Variants in IGF2BP1 observed in about 807,000 individuals in gnomAD.
The protein encoded by IGF2BP1 is insulin-like growth factor 2 mRNA-binding protein 1.
IGF2BP1 carries 11 observed loss-of-function variants against 74.9 expected under a neutral mutation model. That is an observed-to-expected ratio of 0.15 (90% confidence interval 0.09 to 0.24). The LOEUF (loss-of-function observed/expected upper bound fraction) is 0.24. Ranked by LOEUF, IGF2BP1 falls within the 10% of genes least tolerant of loss-of-function variation. The probability of loss-of-function intolerance (pLI) is 1.00; values close to 1 mark genes in which losing one functional copy is unlikely to be tolerated. For synonymous variants in IGF2BP1, 287 were observed against 281.8 expected (o/e 1.02, Z -0.18); for missense variants, 440 against 757.4 (o/e 0.58, Z 4.92).
chr17:49,003,747 C>T (rs1447578348), intron 2 of IGF2BP1, among the ~76,000 whole-genome samples: 2 of 125,708 alleles, frequency 1.6e-5, no homozygotes, highest in African/African-American at 6.2e-5. Context: ...AGAAATCAGA[C>T]GAGTTAGTCC....
intron 2 of IGF2BP1, 133 bp downstream of exon 2, chr17:48,999,302 G>T: frequency 1.6e-6 from 1 of 637,618 alleles, no homozygotes; most frequent in Non-Finnish European, 2.8e-6. Context: ...TCCGGATGTT[G>T]GGGGCAGGGA....
chr17:49,038,586 C>T, intron 6 of IGF2BP1, 137 bp downstream of exon 6: 2 of 908,582 alleles, frequency 2.2e-6, no homozygotes, highest in Non-Finnish European at 3.0e-6. Context: ...TCAGGGGTCC[C>T]TGCTTCCAAT....
intron 5 of IGF2BP1, among the ~76,000 whole-genome samples, chr17:49,032,814 T>C (rs1567821969): frequency 6.6e-6 from 1 of 152,196 alleles, no homozygotes; most frequent in Non-Finnish European, 1.5e-5. Context: ...CTGCCTATTG[T>C]TGCTGTGTTC....
intron 2 of IGF2BP1, among the ~76,000 whole-genome samples, chr17:49,016,800 C>T (rs553365816): frequency 2.4e-5 from 3 of 127,010 alleles, no homozygotes; most frequent in African/African-American, 8.8e-5. Context: ...CCCGCCCGCC[C>T]GCCCCCCTGT....
rs768485100 is a variant in IGF2BP1 at position 49,044,002 on chromosome 17, C to A, written c.1236C>A (p.Ile412=). 6.2e-7 allele frequency: 1 copy of A among 1,614,082 alleles called. No individual in the cohort carries two copies. The highest frequency in any genetic ancestry group is 1.1e-5 in the South Asian group (1 of 91,082). Residue 412 remains isoleucine, a synonymous_variant, in exon 11 of 15, where the codon ATC becomes ATA. Transcript: ENST00000290341. ...AGCAGGAGATGGTGCAGGTGTTTAT[C>A]CCCGCCCAGGCAGTGGGCGCCATCA... The part of the protein sequence containing the change: ...APEQEMVQVF[I]PAQAVGAIIG...
intron 5 of IGF2BP1, chr17:49,037,259 T>TA: frequency 2.2e-6 from 1 of 445,870 alleles, no homozygotes; most frequent in East Asian, 6.1e-5. Context: ...CTGGAACCCT[T>TA]ACGGTAGGAA....
chr17:49,010,313 C>CTTTTTT (rs397857828), intron 2 of IGF2BP1, among the ~76,000 whole-genome samples: 4 of 105,622 alleles, frequency 3.8e-5, no homozygotes, highest in East Asian at 2.5e-4. Context: ...TGGTGGTCAT[C>CTTTTTT]TTTTTTTTTT....
At chr17:49,027,575 G>A (rs917487954) in intron 4 of IGF2BP1, among the ~76,000 whole-genome samples, 3 of 152,084 alleles carry the variant, frequency 2.0e-5, no homozygotes, top group East Asian at 1.9e-4. Flanking sequence ...TTTGCCAGCC[G>A]GGCGCGGTGG....
At chr17:49,000,188 C>G (rs1440132223) in intron 2 of IGF2BP1, among the ~76,000 whole-genome samples, 2 of 152,108 alleles carry the variant, frequency 1.3e-5, no homozygotes, top group Admixed American at 1.3e-4. Context: ...AGCTGGAAAG[C>G]AGCCCCCAGT....
rs377223421 is a variant in IGF2BP1 at position 49,049,682 on chromosome 17, C to T, written c.*238C>T. 1 of 482,288 alleles carries T rather than the reference C, an allele frequency of 2.1e-6. No homozygotes were observed. Among genetic ancestry groups the T allele is most frequent in the East Asian group, 3.7e-5 (1 of 27,042 alleles). 29.9% of individuals were successfully genotyped at this position (482,288 alleles called of 1,614,324 possible). Reference sequence around the variant, plus strand: ...CCTCGGGGTGTCAGAAATTCTAGCGCAAGGCACTTTTAAACGTGGATTGTT... The same window carrying T: ...CCTCGGGGTGTCAGAAATTCTAGCGTAAGGCACTTTTAAACGTGGATTGTT... On this transcript the variant is annotated 3_prime_UTR_variant, in exon 15 of 15. Transcript: ENST00000290341.
Position 49,052,543 on chromosome 17 carries a change from A to T in IGF2BP1, c.*3099A>T, listed in dbSNP as rs1247145370. ...GCTTGGATTAGGCAAGGCTCCACTC[A>T]TTGTTGATATTTGCCCAGCAGGAAA... On this transcript the variant is annotated 3_prime_UTR_variant, in exon 15 of 15. Coordinates refer to ENST00000290341, the MANE Select transcript of IGF2BP1 (RefSeq NM_006546.4). The T allele has an allele frequency of 6.6e-6, 1 of 152,126 alleles. No homozygotes were observed. Among genetic ancestry groups the T allele is most frequent in the Non-Finnish European group, 1.5e-5 (1 of 68,036 alleles). The allele number at this position is 152,126 out of a possible 1,614,324, so 9.4% of individuals were successfully genotyped here. A position where few individuals can be genotyped will look rare whatever the true frequency, so the allele number is the denominator to read the frequency against.
At position 49,055,612 on chromosome 17, in the gene IGF2BP1, A is replaced by T. The variant is rs2042219768; in HGVS notation, c.*6168A>T. 2.5e-6 allele frequency: 1 copy of T among 398,624 alleles called. No individual in the cohort carries two copies. Among genetic ancestry groups the T allele is most frequent in the East Asian group, 3.6e-5 (1 of 28,082 alleles). The allele number at this position is 398,624 out of a possible 1,614,324, so 24.7% of individuals were successfully genotyped here. On this transcript the variant is annotated 3_prime_UTR_variant, in exon 15 of 15. Transcript: ENST00000290341. Reference sequence around the variant, plus strand: ...CGTTCAAAATGAATTTCAGCAGATTATGTGTTACCATAATGAATAAACGTC... The same window carrying T: ...CGTTCAAAATGAATTTCAGCAGATTTTGTGTTACCATAATGAATAAACGTC...
upstream of IGF2BP1, among the ~76,000 whole-genome samples, chr17:48,996,805 T>TC (rs2143889724): frequency 6.6e-6 from 1 of 152,050 alleles, no homozygotes; most frequent in East Asian, 1.9e-4. Context: ...GCTCGCAGGG[T>TC]CCCCCGGTCC....
chr17:49,026,647 GCCTGCCTTCCTGCCTTCCTGCCTTCCTT>G (rs1567818921), intron 4 of IGF2BP1, 130 bp downstream of exon 4: 5 of 492,392 alleles, frequency 1.0e-5, no homozygotes, highest in Non-Finnish European at 1.7e-5. Context: ...CTTCCTTCCT[GCCTGCCTTCCTGCCTTCCTGCCTTCCTT>G]CCTGCCTTCC....
chr17:49,041,796 C>T (rs180898073), intron 8 of IGF2BP1, among the ~76,000 whole-genome samples: 1 of 152,296 alleles, frequency 6.6e-6, no homozygotes, highest in East Asian at 1.9e-4. Flanking sequence ...AGCTAGGAGC[C>T]AGGGATTCAG....
intron 2 of IGF2BP1, among the ~76,000 whole-genome samples, 200 bp from the exon 3 acceptor site, chr17:49,025,418 C>T (rs942817608): frequency 6.7e-6 from 1 of 149,876 alleles, no homozygotes; most frequent in East Asian, 2.0e-4. Flanking sequence ...TGGTAGCATC[C>T]ATGATAATTT....
At chr17:49,027,007 C>G (rs1332291016) in intron 4 of IGF2BP1, among the ~76,000 whole-genome samples, 1 of 152,230 alleles carries the variant, frequency 6.6e-6, no homozygotes, top group Non-Finnish European at 1.5e-5. Context: ...TCCCAAAATG[C>G]TGGGATTACA....
chr17:49,047,990 A>G (rs2042125928), intron 14 of IGF2BP1, among the ~76,000 whole-genome samples: 1 of 152,208 alleles, frequency 6.6e-6, no homozygotes, highest in African/African-American at 2.4e-5. Flanking sequence ...TGCTGGGATT[A>G]CAGGCATGAG....
intron 2 of IGF2BP1, among the ~76,000 whole-genome samples, chr17:48,999,923 G>GGTGT (rs371605973): frequency 0.088 from 11,831 of 133,964 alleles, 793 homozygotes; most frequent in Admixed American, 0.18. Context: ...GTGGATGAAT[G>GGTGT]GTGTGTGTGT....
Sources: gnomAD v4.1 joint callset for allele counts (sites outside exome capture counted in the v4.1 genomes callset) on GRCh38, gnomAD v4.1.1 for gene constraint, MANE v1.5 for transcripts, NCBI Gene and HGNC (gene_info 2026-07-23, HGNC 2026-07-21) for gene names.